The following NR6A1 variants were observed in gnomAD, a reference collection of about 807,000 sequenced individuals.
NR6A1 encodes the protein retinoic acid receptor-related testis-associated receptor.
A neutral mutation model predicts 59.1 loss-of-function variants in NR6A1; 7 were observed. That is an observed-to-expected ratio of 0.12 (90% confidence interval 0.07 to 0.22). NR6A1 has a LOEUF of 0.22. Ranked by LOEUF, NR6A1 falls within the 10% of genes least tolerant of loss-of-function variation. The pLI is 1.00. For missense variants in NR6A1, 468 were observed against 611.6 expected (o/e 0.77, Z 2.48); for synonymous variants, 243 against 236.1 (o/e 1.03, Z -0.27).
At chr9:124,534,490 A>G (rs1833194895) in intron 7 of NR6A1, among the ~76,000 whole-genome samples, 1 of 152,190 alleles carries the variant, frequency 6.6e-6, no homozygotes, top group Admixed American at 6.5e-5. Flanking sequence ...GTAAATGAGT[A>G]AAAAGTGTGC....
rs1449340305 is a variant in NR6A1 at position 124,520,419 on chromosome 9, A to G, written c.*2286T>C. The G allele has an allele frequency of 6.6e-6, 1 of 152,196 alleles. No homozygotes were observed. Among genetic ancestry groups the G allele is most frequent in the Non-Finnish European group, 1.5e-5 (1 of 68,052 alleles). The allele number at this position is 152,196 out of a possible 1,614,324, so 9.4% of individuals were successfully genotyped here. ...AACATTTGTAAAACTGGATTTGTACAATGGCAACTTGCAGAACCTTTCCCC... is the reference window on the plus strand; with the variant it reads ...AACATTTGTAAAACTGGATTTGTACGATGGCAACTTGCAGAACCTTTCCCC... On this transcript the variant is annotated 3_prime_UTR_variant, in exon 10 of 10. Coordinates refer to ENST00000487099, the MANE Select transcript of NR6A1 (RefSeq NM_033334.4).
chr9:124,539,017 G>A (rs1003059933), intron 5 of NR6A1, among the ~76,000 whole-genome samples: 3 of 151,646 alleles, frequency 2.0e-5, no homozygotes, highest in Non-Finnish European at 2.9e-5. Context: ...AGACAAGCCT[G>A]GGCAACATAG....
chr9:124,613,172 C>CA (rs1487000442), intron 2 of NR6A1, among the ~76,000 whole-genome samples: 1 of 149,742 alleles, frequency 6.7e-6, no homozygotes, highest in Non-Finnish European at 1.5e-5. Context: ...CCTATCTCTA[C>CA]AAAAAATTTA....
chr9:124,591,698 T>A (rs775987361), intron 2 of NR6A1, among the ~76,000 whole-genome samples: 4 of 152,194 alleles, frequency 2.6e-5, no homozygotes, highest in Non-Finnish European at 5.9e-5. Context: ...AGTGTGAGCA[T>A]CAAGACCCTG....
chr9:124,613,490 A>G (rs187739194), intron 2 of NR6A1, among the ~76,000 whole-genome samples: 2 of 152,138 alleles, frequency 1.3e-5, no homozygotes, highest in East Asian at 3.9e-4. Flanking sequence ...AAAAAAATAA[A>G]TAAAAATAAA....
chr9:124,691,534 T>C (rs978461164), intron 2 of NR6A1, among the ~76,000 whole-genome samples: 4 of 152,200 alleles, frequency 2.6e-5, no homozygotes, highest in Non-Finnish European at 5.9e-5. Context: ...AATTCATTTT[T>C]CAAATTTTTC....
At chr9:124,625,305 T>G (rs1035933810) in intron 2 of NR6A1, among the ~76,000 whole-genome samples, 1 of 152,172 alleles carries the variant, frequency 6.6e-6, no homozygotes, top group African/African-American at 2.4e-5. Flanking sequence ...AGATAATGCA[T>G]GTGAAAATAC....
chr9:124,742,925 A>G (rs16927619), intron 1 of NR6A1, among the ~76,000 whole-genome samples: 3,616 of 152,338 alleles, frequency 0.024, 114 homozygotes, highest in East Asian at 0.096. Context: ...TTGTTGAGGC[A>G]GCCAAAACAC....
At chr9:124,538,905 T>TA (rs11346135) in intron 5 of NR6A1, among the ~76,000 whole-genome samples, 3 of 141,798 alleles carry the variant, frequency 2.1e-5, no homozygotes, top group Non-Finnish European at 3.1e-5. Context: ...GTCAACTAAT[T>TA]AAAAAAAAAA....
chr9:124,519,769 GC>G lies in NR6A1; in HGVS notation c.*2935del, dbSNP rs1487969019. 6.6e-6 allele frequency: 1 copy of G among 151,932 alleles called. No individual in the cohort carries two copies. Among genetic ancestry groups the G allele is most frequent in the Non-Finnish European group, 1.5e-5 (1 of 68,010 alleles). 9.4% of individuals were successfully genotyped at this position (151,932 alleles called of 1,614,324 possible). A position where few individuals can be genotyped will look rare whatever the true frequency, so the allele number is the denominator to read the frequency against. ...CAAAAAAAGTTAGCCGGGTGTGGTGGCGGGCGCCTGTAGTCCCAGCTACTCA... is the reference window on the plus strand; with the variant it reads ...CAAAAAAAGTTAGCCGGGTGTGGTGGGGGCGCCTGTAGTCCCAGCTACTCA... On this transcript the variant is annotated 3_prime_UTR_variant, in exon 10 of 10. Coordinates refer to ENST00000487099, the MANE Select transcript of NR6A1 (RefSeq NM_033334.4).
intron 1 of NR6A1, among the ~76,000 whole-genome samples, chr9:124,753,059 C>T (rs1840549313): frequency 6.6e-6 from 1 of 152,176 alleles, no homozygotes; most frequent in Non-Finnish European, 1.5e-5. Context: ...GTAAAATGTA[C>T]ACACCATCAC....
At chr9:124,618,924 C>T (rs774422253) in intron 2 of NR6A1, among the ~76,000 whole-genome samples, 8 of 152,122 alleles carry the variant, frequency 5.3e-5, no homozygotes, top group Admixed American at 2.0e-4. Flanking sequence ...GTATTTACCA[C>T]CATTTGGGGG....
chr9:124,716,092 TACTTGGGAGGCTGAGGCAGGAG>T (rs1235181166), intron 2 of NR6A1, among the ~76,000 whole-genome samples: 2 of 151,986 alleles, frequency 1.3e-5, no homozygotes, highest in East Asian at 3.9e-4. Flanking sequence ...TGGTCCCAGC[TACTTGGGAGGCTGAGGCAGGAG>T]GATTGCTTGG....
chr9:124,667,039 CTTT>C (rs544057837), intron 2 of NR6A1, among the ~76,000 whole-genome samples: 1 of 144,348 alleles, frequency 6.9e-6, no homozygotes. Flanking sequence ...ATCCACCCTA[CTTT>C]TTTTTTTTTT....
chr9:124,552,443 A>G (rs1488597153), intron 3 of NR6A1, among the ~76,000 whole-genome samples: 2 of 152,296 alleles, frequency 1.3e-5, no homozygotes, highest in African/African-American at 4.8e-5. Flanking sequence ...AATGAGTTAG[A>G]AAGACAGGCA....
chr9:124,566,160 C>G (rs1450821555), intron 2 of NR6A1, among the ~76,000 whole-genome samples: 1 of 152,180 alleles, frequency 6.6e-6, no homozygotes, highest in Non-Finnish European at 1.5e-5. Flanking sequence ...CTTGTACAAA[C>G]AATGGGCGAA....
At chr9:124,524,943 C>T (rs1832892095) in intron 8 of NR6A1, 70 bp from the exon 9 acceptor site, 1 of 1,488,356 alleles carries the variant, frequency 6.7e-7, no homozygotes, top group Non-Finnish European at 9.0e-7. Flanking sequence ...GGAAGAAACA[C>T]CAGCTCCTTA....
intron 2 of NR6A1, among the ~76,000 whole-genome samples, chr9:124,704,064 A>G (rs1485195304): frequency 6.6e-6 from 1 of 152,170 alleles, no homozygotes; most frequent in Admixed American, 6.5e-5. Flanking sequence ...TTTAACTGTT[A>G]TAAGGTCTCA....
intron 2 of NR6A1, among the ~76,000 whole-genome samples, chr9:124,722,273 C>T (rs1239453902): frequency 6.6e-6 from 1 of 152,146 alleles, no homozygotes; most frequent in Admixed American, 6.5e-5. Context: ...ACGCAAAGTG[C>T]CTGGCACACA....
Sources: allele counts gnomAD v4.1 joint callset (sites outside exome capture counted in the v4.1 genomes callset), GRCh38; gene constraint gnomAD v4.1.1; transcripts MANE v1.5; gene names NCBI Gene and HGNC (gene_info 2026-07-23, HGNC 2026-07-21).